LRRC37A2: variants seen among roughly 807,000 people sequenced by gnomAD.
The protein encoded by LRRC37A2 is leucine-rich repeat-containing protein 37A2.
Under a neutral mutation model 68.8 loss-of-function variants are expected in LRRC37A2, and 9 were observed. That is an observed-to-expected ratio of 0.13 (90% CI 0.08 to 0.23). The LOEUF (loss-of-function observed/expected upper bound fraction) is 0.23. Ranked by LOEUF, LRRC37A2 falls within the 10% of genes least tolerant of loss-of-function variation. The pLI, the probability that LRRC37A2 is intolerant of heterozygous loss-of-function variation, is 1.00. For missense variants in LRRC37A2, 168 were observed against 950.4 expected (o/e 0.18, Z 10.82); for synonymous variants, 63 against 367.6 (o/e 0.17, Z 9.48).
At chr17:47,048,306 T>G in the LRRC37A2 span, among the ~76,000 whole-genome samples, 1 of 151,834 alleles carries the variant, frequency 6.6e-6, no homozygotes, top group African/African-American at 2.4e-5. Context: ...GAAACCCAGC[T>G]GCACACTGGC....
At chr17:46,753,963 A>T in the LRRC37A2 span, among the ~76,000 whole-genome samples, 1 of 152,172 alleles carries the variant, frequency 6.6e-6, no homozygotes, top group Non-Finnish European at 1.5e-5. Flanking sequence ...AGAGCTGAGG[A>T]TCTGCTCTGA....
At chr17:46,763,426 T>C in the LRRC37A2 span, 1 of 152,076 alleles carries the variant, frequency 6.6e-6, no homozygotes, top group African/African-American at 2.4e-5. Flanking sequence ...ACTGCATGGA[T>C]GGAAGCTATC....
At chr17:46,800,865 C>T in the LRRC37A2 span, among the ~76,000 whole-genome samples, 9 of 152,084 alleles carry the variant, frequency 5.9e-5, no homozygotes, top group South Asian at 2.1e-4. Context: ...GGGAAGGCTG[C>T]GCAGAGGAAG....
the LRRC37A2 span, among the ~76,000 whole-genome samples, chr17:46,875,960 A>G: frequency 1.3e-5 from 2 of 152,294 alleles, no homozygotes; most frequent in East Asian, 3.9e-4. Flanking sequence ...GTGTTCAATC[A>G]TTGAGTTGGT....
chr17:46,720,559 C>A, the LRRC37A2 span, among the ~76,000 whole-genome samples: 1 of 152,178 alleles, frequency 6.6e-6, no homozygotes, highest in African/African-American at 2.4e-5. Context: ...TTTGCTTGGT[C>A]TACTCCCAAG....
At chr17:46,595,569 G>A in the LRRC37A2 span, among the ~76,000 whole-genome samples, 2 of 130,430 alleles carry the variant, frequency 1.5e-5, no homozygotes, top group African/African-American at 3.7e-5. Context: ...TGGCCTCACT[G>A]CAACCTCTGC....
chr17:46,966,507 C>G, the LRRC37A2 span: 1 of 685,796 alleles, frequency 1.5e-6, no homozygotes, highest in South Asian at 1.6e-5. Context: ...CCCACCACAC[C>G]CGATTAATTT....
chr17:46,786,948 T>C, the LRRC37A2 span, among the ~76,000 whole-genome samples: 1 of 151,704 alleles, frequency 6.6e-6, no homozygotes, highest in African/African-American at 2.4e-5. Context: ...TTTCTTTTTT[T>C]TTTTTTTGAG....
the LRRC37A2 span, among the ~76,000 whole-genome samples, chr17:46,766,316 G>A: frequency 5.3e-5 from 8 of 151,982 alleles, no homozygotes; most frequent in African/African-American, 1.9e-4. Context: ...GCTGAGGCAG[G>A]AGAATCGCTT....
At chr17:47,014,392 GAAAAAA>G in the LRRC37A2 span, among the ~76,000 whole-genome samples, 8 of 99,480 alleles carry the variant, frequency 8.0e-5, no homozygotes, top group East Asian at 3.3e-4. Flanking sequence ...TCCATCTCGA[GAAAAAA>G]AAAAAAAAAA....
the LRRC37A2 span, among the ~76,000 whole-genome samples, chr17:46,878,604 A>G: frequency 7.2e-5 from 11 of 152,046 alleles, no homozygotes; most frequent in Non-Finnish European, 1.0e-4. Context: ...CACAGCATGG[A>G]GATTTTCTCT....
chr17:46,942,473 A>G, the LRRC37A2 span, among the ~76,000 whole-genome samples: 1 of 152,150 alleles, frequency 6.6e-6, no homozygotes, highest in Non-Finnish European at 1.5e-5. Context: ...GCTTGGAACC[A>G]TGGGCCCACT....
the LRRC37A2 span, among the ~76,000 whole-genome samples, chr17:46,989,483 A>G: frequency 1.3e-5 from 2 of 152,218 alleles, no homozygotes; most frequent in Non-Finnish European, 2.9e-5. Flanking sequence ...CCCCCCAGAT[A>G]TAAGGGGATG....
the LRRC37A2 span, among the ~76,000 whole-genome samples, chr17:47,044,198 T>C: frequency 2.0e-5 from 3 of 148,332 alleles, no homozygotes; most frequent in African/African-American, 5.0e-5. Context: ...TGTGGCATAT[T>C]TTTTCTTTGC....
At chr17:46,811,664 A>G in the LRRC37A2 span, among the ~76,000 whole-genome samples, 2 of 152,112 alleles carry the variant, frequency 1.3e-5, no homozygotes, top group African/African-American at 4.8e-5. Context: ...AGAAGATTCT[A>G]GAAACTCTGG....
chr17:47,004,324 T>C, the LRRC37A2 span, among the ~76,000 whole-genome samples: 1 of 152,244 alleles, frequency 6.6e-6, no homozygotes, highest in African/African-American at 2.4e-5. Context: ...TGAACTAGTT[T>C]ACCTTTTTAA....
the LRRC37A2 span, among the ~76,000 whole-genome samples, chr17:46,903,708 T>G: frequency 6.7e-6 from 1 of 148,620 alleles, no homozygotes. Flanking sequence ...GCTTAATGGA[T>G]GTATGGGTGG....
At chr17:46,935,822 A>T in the LRRC37A2 span, 1 of 986,032 alleles carries the variant, frequency 1.0e-6, no homozygotes, top group Admixed American at 6.1e-5. Flanking sequence ...CTCTGATGTC[A>T]GTCATGATGT....
chr17:47,033,835 A>G, the LRRC37A2 span, among the ~76,000 whole-genome samples: 1 of 152,228 alleles, frequency 6.6e-6, no homozygotes. Flanking sequence ...TCCTCATCTA[A>G]TAAGGCATAT....
Sources: gnomAD v4.1 joint callset for allele counts (sites outside exome capture counted in the v4.1 genomes callset) on GRCh38, gnomAD v4.1.1 for gene constraint, MANE v1.5 for transcripts, NCBI Gene and HGNC (gene_info 2026-07-23, HGNC 2026-07-21) for gene names.